Variants in SHANK2 observed in about 807,000 individuals in gnomAD.
SHANK2 encodes SH3 and multiple ankyrin repeat domains 2.
SHANK2 carries 43 observed loss-of-function variants against 133.7 expected under a neutral mutation model. The ratio of observed to expected loss-of-function variants is 0.32; its 90% CI spans 0.25 to 0.41. The LOEUF (loss-of-function observed/expected upper bound fraction) is 0.41, where lower values mean the gene tolerates loss of function less well. Among genes scored for constraint, SHANK2 ranks in the 10% least tolerant of loss-of-function variants. The probability of loss-of-function intolerance (pLI) is 1.00; values close to 1 mark genes in which losing one functional copy is unlikely to be tolerated. For missense variants in SHANK2, 1,994 were observed against 2,235.8 expected (o/e 0.89, Z 2.18); for synonymous variants, 1,017 against 952.8 (o/e 1.07, Z -1.24).
intron 17 of SHANK2, among the ~76,000 whole-genome samples, chr11:70,592,114 C>A (rs782816682): frequency 3.9e-5 from 6 of 152,064 alleles, no homozygotes; most frequent in Admixed American, 6.6e-5. Flanking sequence ...ACAGGGCATG[C>A]AGGAAGCCCA....
At chr11:70,521,640 G>A (rs1449782261) in intron 17 of SHANK2, among the ~76,000 whole-genome samples, 1 of 152,224 alleles carries the variant, frequency 6.6e-6, no homozygotes, top group Non-Finnish European at 1.5e-5. Context: ...GTTTCTGTAT[G>A]TGTATGTGTG....
At chr11:70,715,101 A>G (rs1317789100) in intron 14 of SHANK2, among the ~76,000 whole-genome samples, 1 of 152,028 alleles carries the variant, frequency 6.6e-6, no homozygotes, top group Admixed American at 6.6e-5. Context: ...CACCACACCC[A>G]GCCCCACCTA....
rs1951535798 is a variant in SHANK2 at position 71,092,479 on chromosome 11, CAGG to C, written c.852_854del (p.Leu285del). The stretch of plus-strand genomic sequence containing the variant: ...TGCAGCACACAGTGGCGTGTTCGTG[CAGG>C]AGAAGCTCGCAGCAGTAGGGATCAC... On this transcript the variant is annotated inframe_deletion, in exon 8 of 26. Coordinates refer to ENST00000601538, the MANE Select transcript of SHANK2 (RefSeq NM_012309.5). 4.5e-6 allele frequency: 7 copies of C among 1,551,464 alleles called. No homozygotes were observed. Among genetic ancestry groups the C allele is most frequent in the South Asian group, 1.2e-5 (1 of 84,052 alleles).
intron 2 of SHANK2, among the ~76,000 whole-genome samples, chr11:71,221,133 G>A (rs1019080671): frequency 2.0e-5 from 3 of 151,614 alleles, no homozygotes; most frequent in Admixed American, 6.6e-5. Context: ...CCCGGGAGGC[G>A]GAGGTTGCAG....
intron 2 of SHANK2, among the ~76,000 whole-genome samples, chr11:71,168,698 G>A (rs553657861): frequency 1.3e-5 from 2 of 152,120 alleles, no homozygotes; most frequent in Non-Finnish European, 2.9e-5. Context: ...GGCGGCGCGC[G>A]CCTGCAATCA....
At chr11:71,190,425 T>C (rs3934692) in intron 2 of SHANK2, among the ~76,000 whole-genome samples, 22,149 of 152,158 alleles carry the variant, frequency 0.15, 2,854 homozygotes, top group African/African-American at 0.33. Flanking sequence ...AGCATCTCGG[T>C]ACCCGTCTGC....
chr11:70,606,651 C>A (rs1041486699), intron 17 of SHANK2, among the ~76,000 whole-genome samples: 1 of 151,886 alleles, frequency 6.6e-6, no homozygotes, highest in Admixed American at 6.6e-5. Context: ...CCCTCCTGGG[C>A]GTCTGTGTCT....
At chr11:71,139,664 T>A (rs1327941364) in intron 3 of SHANK2, among the ~76,000 whole-genome samples, 1 of 152,192 alleles carries the variant, frequency 6.6e-6, no homozygotes, top group African/African-American at 2.4e-5. Context: ...CCATGCTGAA[T>A]GTCCAGAGCC....
intron 17 of SHANK2, among the ~76,000 whole-genome samples, chr11:70,652,670 G>A (rs1380785880): frequency 2.0e-5 from 3 of 152,084 alleles, no homozygotes; most frequent in Non-Finnish European, 2.9e-5. Context: ...AGTTAGCTAC[G>A]TATGGTGGTG....
At position 70,471,277 on chromosome 11, in the gene SHANK2, C is replaced by A. The variant is rs1278824090; in HGVS notation, c.*1592G>T. 19 of 395,362 alleles carry A rather than the reference C, an allele frequency of 4.8e-5. No homozygotes were observed. Among genetic ancestry groups the A allele is most frequent in the Non-Finnish European group, 6.2e-5 (14 of 224,762 alleles). The allele number at this position is 395,362 out of a possible 1,614,324, so 24.5% of individuals were successfully genotyped here. A position where few individuals can be genotyped will look rare whatever the true frequency, so the allele number is the denominator to read the frequency against. On this transcript the variant is annotated 3_prime_UTR_variant, in exon 26 of 26. Transcript: ENST00000601538. This position sits in a 1 kb window ranked among gnomAD's most constrained non-coding sequence, Gnocchi z 4.1. The stretch of plus-strand genomic sequence containing the variant: ...CAAGAAAAAAAGGAAAAAAAAAAAA[C>A]AAAACCATGTTTTATAATTAGAGAT...
At chr11:70,910,115 C>T (rs1478427365) in intron 10 of SHANK2, among the ~76,000 whole-genome samples, 1 of 152,168 alleles carries the variant, frequency 6.6e-6, no homozygotes, top group Non-Finnish European at 1.5e-5. Flanking sequence ...CAGATTAGGG[C>T]CCAGCCTAGT....
intron 10 of SHANK2, among the ~76,000 whole-genome samples, chr11:70,954,667 G>A (rs1243292043): frequency 3.3e-5 from 5 of 152,196 alleles, no homozygotes; most frequent in Non-Finnish European, 4.4e-5. Context: ...AGTGAAGAGC[G>A]CAATACAACA....
At chr11:70,862,012 G>A (rs911060835) in intron 11 of SHANK2, among the ~76,000 whole-genome samples, 1 of 152,046 alleles carries the variant, frequency 6.6e-6, no homozygotes. Context: ...GTGAAAACCT[G>A]GGAAGGATCC....
At chr11:70,705,969 G>A (rs930361901) in intron 14 of SHANK2, 10 of 152,258 alleles carry the variant, frequency 6.6e-5, no homozygotes, top group Non-Finnish European at 1.3e-4. Context: ...GCTGCTTAAC[G>A]TTTTCCAACA....
intron 1 of SHANK2, among the ~76,000 whole-genome samples, chr11:71,238,909 G>A (rs1191156627): frequency 6.6e-6 from 1 of 152,212 alleles, no homozygotes; most frequent in East Asian, 1.9e-4. Context: ...ATGTAGGGGT[G>A]GGTTGCCCCT....
At chr11:70,814,807 C>T (rs564867281) in intron 12 of SHANK2, among the ~76,000 whole-genome samples, 13 of 152,336 alleles carry the variant, frequency 8.5e-5, no homozygotes, top group South Asian at 2.1e-4. Context: ...ACCCAAGCAA[C>T]GTTCTTGAAG....
chr11:70,622,870 G>A (rs2060849648), intron 17 of SHANK2, among the ~76,000 whole-genome samples: 4 of 152,130 alleles, frequency 2.6e-5, no homozygotes. Context: ...GTCACCTGGG[G>A]AGTAGAGTCT....
rs575390500 is a variant in SHANK2, at chr11:70,623,383, T to G, written c.2061+36445A>C. On this transcript the variant is annotated intron_variant, in intron 17 of 25. Coordinates refer to ENST00000601538, the MANE Select transcript of SHANK2 (RefSeq NM_012309.5). The stretch of plus-strand genomic sequence containing the variant: ...CTATTGCTTATGCTCCACGCACCAT[T>G]TGCCCTTTTGGAGGATCATCGTTAT... Among the ~76,000 whole-genome samples the G allele has an allele frequency of 3.3e-5, 5 of 152,296 alleles. No homozygotes were observed. The East Asian group carries it at 9.7e-4, about 30-fold the overall frequency.
chr11:70,678,286 G>C (rs61886407), intron 15 of SHANK2, among the ~76,000 whole-genome samples: 9,299 of 151,884 alleles, frequency 0.061, 368 homozygotes, highest in Middle Eastern at 0.11. Flanking sequence ...GGGAATACAG[G>C]CATGCGCCAC....
Sources: gnomAD v4.1 joint callset for allele counts (sites outside exome capture counted in the v4.1 genomes callset) on GRCh38, gnomAD v4.1.1 for gene constraint, Gnocchi (gnomAD v3.1) non-coding constraint, MANE v1.5 for transcripts, NCBI Gene and HGNC (gene_info 2026-07-23, HGNC 2026-07-21) for gene names.